FSIP1: variants seen among roughly 807,000 people sequenced by gnomAD.
FSIP1 encodes the protein fibrous sheath interacting protein 1, also known as fibrous sheath-interacting protein 1.
In FSIP1, 65 loss-of-function variants were observed where a neutral mutation model predicts 60.9. The ratio of observed to expected loss-of-function variants is 1.07; its 90% CI spans 0.87 to 1.31. The LOEUF (loss-of-function observed/expected upper bound fraction) is 1.31. FSIP1 is among the 40% of genes most tolerant of loss of function. The pLI is 0.00. For synonymous variants in FSIP1, 209 were observed against 221.2 expected (o/e 0.94, Z 0.49); for missense variants, 675 against 665.5 (o/e 1.01, Z -0.16).
chr15:39,682,113 T>C (rs1342736435), intron 10 of FSIP1, among the ~76,000 whole-genome samples: 2 of 152,158 alleles, frequency 1.3e-5, no homozygotes, highest in Admixed American at 6.6e-5. Context: ...CTCAATATAG[T>C]TCCTGGACAA....
chr15:39,599,872 G>C (rs1042158463), downstream of FSIP1, among the ~76,000 whole-genome samples: 1 of 152,166 alleles, frequency 6.6e-6, no homozygotes, highest in Non-Finnish European at 1.5e-5. Flanking sequence ...TGAACAAATA[G>C]TAAACTGAAA....
chr15:39,753,866 C>T (rs574323290), intron 5 of FSIP1, among the ~76,000 whole-genome samples: 19 of 152,016 alleles, frequency 1.2e-4, no homozygotes, highest in South Asian at 1.2e-3. Flanking sequence ...CACTAACTTT[C>T]GTCTATGTCA....
At chr15:39,744,572 G>A (rs1348796621) in intron 5 of FSIP1, among the ~76,000 whole-genome samples, 1 of 152,126 alleles carries the variant, frequency 6.6e-6, no homozygotes, top group Non-Finnish European at 1.5e-5. Context: ...TGAAGAGGCT[G>A]GAGAAACCCA....
downstream of FSIP1, among the ~76,000 whole-genome samples, chr15:39,599,653 T>G (rs745922293): frequency 1.3e-5 from 2 of 152,034 alleles, no homozygotes; most frequent in Non-Finnish European, 2.9e-5. Context: ...GGCCCCTCTC[T>G]GCCCCACAAC....
At chr15:39,604,863 G>C (rs1180092264) in intron 11 of FSIP1, among the ~76,000 whole-genome samples, 3 of 152,178 alleles carry the variant, frequency 2.0e-5, no homozygotes, top group Non-Finnish European at 4.4e-5. Context: ...GAAAAGATCA[G>C]CTAATAGGGT....
At chr15:39,713,719 C>T (rs937962) in intron 9 of FSIP1, 138 bp from the exon 10 acceptor site, 73,656 of 707,968 alleles carry the variant, frequency 0.1, 4,319 homozygotes, top group African/African-American at 0.2. Flanking sequence ...ATATGTATAA[C>T]GCTTTAAAGT....
intron 9 of FSIP1, among the ~76,000 whole-genome samples, chr15:39,716,934 C>T (rs1421976565): frequency 6.6e-6 from 1 of 151,368 alleles, no homozygotes; most frequent in African/African-American, 2.4e-5. Flanking sequence ...CCTGCCTCAG[C>T]CTCCTGAGTA....
At chr15:39,681,844 C>A (rs550353564) in intron 10 of FSIP1, among the ~76,000 whole-genome samples, 5 of 152,206 alleles carry the variant, frequency 3.3e-5, no homozygotes, top group Admixed American at 6.5e-5. Flanking sequence ...CTCAGAGTGT[C>A]CATCAGATAA....
At chr15:39,683,410 G>T (rs1894242331) in intron 10 of FSIP1, among the ~76,000 whole-genome samples, 1 of 151,904 alleles carries the variant, frequency 6.6e-6, no homozygotes, top group African/African-American at 2.4e-5. Context: ...AAAACTCTCA[G>T]CAAATTAGGA....
At chr15:39,775,427 A>G (rs1898021423) in intron 2 of FSIP1, among the ~76,000 whole-genome samples, 1 of 152,200 alleles carries the variant, frequency 6.6e-6, no homozygotes, top group Admixed American at 6.5e-5. Context: ...AAACCTTAAA[A>G]GAAATAAATG....
chr15:39,695,964 C>T (rs916603084), intron 10 of FSIP1, among the ~76,000 whole-genome samples: 5 of 152,162 alleles, frequency 3.3e-5, no homozygotes, highest in East Asian at 3.9e-4. Flanking sequence ...TAGTAGCAGG[C>T]GCTTTCGCAA....
intron 5 of FSIP1, among the ~76,000 whole-genome samples, chr15:39,762,870 C>T (rs1026721609): frequency 4.6e-5 from 7 of 152,236 alleles, no homozygotes; most frequent in African/African-American, 2.4e-5. Flanking sequence ...TAATGGCAGC[C>T]GTTTGGAAAC....
intron 10 of FSIP1, among the ~76,000 whole-genome samples, chr15:39,686,644 C>G (rs17635925): frequency 6.6e-6 from 1 of 152,238 alleles, no homozygotes; most frequent in African/African-American, 2.4e-5. Flanking sequence ...CAGCCTATGA[C>G]GGCAAGTGTC....
At chr15:39,617,451 T>G (rs1265809580) in intron 11 of FSIP1, among the ~76,000 whole-genome samples, 1 of 152,242 alleles carries the variant, frequency 6.6e-6, no homozygotes, top group African/African-American at 2.4e-5. Flanking sequence ...ATTCAAAGTA[T>G]TTCTCTCCAT....
At chr15:39,639,832 A>C (rs779443141) in intron 10 of FSIP1, among the ~76,000 whole-genome samples, 39 of 152,228 alleles carry the variant, frequency 2.6e-4, no homozygotes, top group Non-Finnish European at 2.2e-4. Flanking sequence ...AAAGGAAAAA[A>C]ATGAAAGCCC....
intron 2 of FSIP1, among the ~76,000 whole-genome samples, chr15:39,771,541 C>T (rs1897886047): frequency 6.6e-6 from 1 of 152,152 alleles, no homozygotes; most frequent in African/African-American, 2.4e-5. Flanking sequence ...TGAGCCAGGA[C>T]ATAAACCCAG....
intron 11 of FSIP1, among the ~76,000 whole-genome samples, chr15:39,608,028 A>T (rs1890890418): frequency 6.6e-6 from 1 of 152,230 alleles, no homozygotes; most frequent in African/African-American, 2.4e-5. Flanking sequence ...TGGACAATTT[A>T]GTATTTTAGA....
chr15:39,707,249 G>T (rs117460025), intron 10 of FSIP1, among the ~76,000 whole-genome samples: 2,482 of 152,242 alleles, frequency 0.016, 32 homozygotes, highest in Non-Finnish European at 0.025. Context: ...TCGCAGCAGG[G>T]TTTCCAACCT....
At chr15:39,630,024 T>C (rs1298712043) in intron 10 of FSIP1, among the ~76,000 whole-genome samples, 1 of 152,220 alleles carries the variant, frequency 6.6e-6, no homozygotes, top group Non-Finnish European at 1.5e-5. Context: ...ACTTGTAGCA[T>C]TTCCCAGGGT....
Sources: allele counts gnomAD v4.1 joint callset (sites outside exome capture counted in the v4.1 genomes callset), GRCh38; gene constraint gnomAD v4.1.1; transcripts MANE v1.5; gene names NCBI Gene and HGNC (gene_info 2026-07-23, HGNC 2026-07-21).